Variants in PTCHD4 observed in about 807,000 individuals in gnomAD.
PTCHD4 encodes patched domain containing 4.
Under a neutral mutation model 58.1 loss-of-function variants are expected in PTCHD4, and 33 were observed. The ratio of observed to expected loss-of-function variants is 0.57; its 90% confidence interval spans 0.43 to 0.76. The LOEUF (loss-of-function observed/expected upper bound fraction) is 0.76, where lower values mean the gene tolerates loss of function less well. Ranked by LOEUF, PTCHD4 falls within the 30% of genes least tolerant of loss-of-function variation. The probability of loss-of-function intolerance (pLI) is 0.00; values close to 1 mark genes in which losing one functional copy is unlikely to be tolerated. For synonymous variants in PTCHD4, 478 were observed against 409.6 expected (o/e 1.17, Z -2.02); for missense variants, 1,058 against 1,027.1 (o/e 1.03, Z -0.41).
Position 47,897,977 on chromosome 6 carries a change from C to T in PTCHD4, c.899-18041G>A, listed in dbSNP as rs550705967. On this transcript the variant is annotated intron_variant, in intron 4 of 4. Transcript: ENST00000339488. ...TTTTTTTTTTTTTGAGACAGAGTCG[C>T]TTTGTTGCCCAGGCTGGAGTGCAGT... Among the ~76,000 whole-genome samples, 392 of 104,690 alleles carry T rather than the reference C, an allele frequency of 3.7e-3. 6 individuals carry two copies. Among genetic ancestry groups the T allele is most frequent in the African/African-American group, 0.013 (360 of 27,380 alleles). The allele number at this position is 104,690 out of a possible 152,430, so 68.7% of individuals were successfully genotyped here.
chr6:48,023,712 AT>A (rs1369236246), intron 3 of PTCHD4, among the ~76,000 whole-genome samples: 2 of 152,194 alleles, frequency 1.3e-5, no homozygotes, highest in Non-Finnish European at 2.9e-5. Context: ...TCGGTTTCTC[AT>A]AATTTAGCAA....
Position 47,859,923 on chromosome 6 carries a change from G to T in PTCHD4, c.*18380C>A, listed in dbSNP as rs113930457. 2.0e-5 allele frequency among the ~76,000 whole-genome samples: 3 copies of T among 151,968 alleles called. No individual in the cohort carries two copies. The highest frequency in any genetic ancestry group is 2.9e-5 in the Non-Finnish European group (2 of 67,968). On this transcript the variant is annotated 3_prime_UTR_variant, in exon 5 of 5. Coordinates refer to ENST00000339488, the MANE Select transcript of PTCHD4 (RefSeq NM_001384253.1). ...CATGGTTGATGCAGAGAGAACAAAG[G>T]GGGCAGTGGCTGGAGAAGTGGTCAG...
chr6:48,018,729 T>A (rs1281385155), intron 3 of PTCHD4, among the ~76,000 whole-genome samples: 1 of 152,244 alleles, frequency 6.6e-6, no homozygotes. Flanking sequence ...GCAATATTAC[T>A]ATTCTTACAT....
chr6:48,023,902 C>T (rs1562012735), intron 3 of PTCHD4, among the ~76,000 whole-genome samples: 1 of 152,140 alleles, frequency 6.6e-6, no homozygotes, highest in African/African-American at 2.4e-5. Context: ...GTTACCATAG[C>T]AATGATGGCA....
At chr6:47,884,458 A>G (rs1056590448) in intron 4 of PTCHD4, among the ~76,000 whole-genome samples, 8 of 152,170 alleles carry the variant, frequency 5.3e-5, no homozygotes, top group African/African-American at 1.7e-4. Context: ...TCTTAATCCA[A>G]TTCAAGTAAT....
chr6:47,956,973 G>C (rs1261374187), intron 4 of PTCHD4, among the ~76,000 whole-genome samples: 1 of 151,822 alleles, frequency 6.6e-6, no homozygotes, highest in Non-Finnish European at 1.5e-5. Context: ...AGACCAGCCT[G>C]GCCAACATGG....
At chr6:48,038,829 G>A (rs968957966) in intron 3 of PTCHD4, among the ~76,000 whole-genome samples, 2 of 152,096 alleles carry the variant, frequency 1.3e-5, no homozygotes, top group Non-Finnish European at 2.9e-5. Context: ...TTTTCAAATA[G>A]AGCCACAGGT....
chr6:48,055,504 C>T (rs1764378598), intron 3 of PTCHD4, among the ~76,000 whole-genome samples: 1 of 152,064 alleles, frequency 6.6e-6, no homozygotes, highest in Non-Finnish European at 1.5e-5. Flanking sequence ...TTGAACACTG[C>T]TTTGGAAGAG....
chr6:47,865,893 C>CAA lies in PTCHD4; in HGVS notation c.*12408_*12409dup, dbSNP rs1763551659. Among the ~76,000 whole-genome samples, 1 of 151,814 alleles carries CAA rather than the reference C, an allele frequency of 6.6e-6. No individual in the cohort carries two copies. Among genetic ancestry groups the CAA allele is most frequent in the Admixed American group, 6.6e-5 (1 of 15,218 alleles). ...TGAAACTTTCTGGTTTGTACAAATT[C>CAA]AACTCCTGTACTGGAAATGTACCCT... On this transcript the variant is annotated 3_prime_UTR_variant, in exon 5 of 5. Transcript: ENST00000339488.
chr6:47,878,760 A>G lies in PTCHD4; in HGVS notation c.2075T>C (p.Ile692Thr), dbSNP rs991866581. The change falls in exon 5 of 5, where the codon ATT (isoleucine) becomes ACT (threonine). Residue 692 changes from isoleucine to threonine, a missense_variant. By Grantham distance (89) the Ile-to-Thr change is moderately conservative. Coordinates refer to ENST00000339488, the MANE Select transcript of PTCHD4 (RefSeq NM_001384253.1). ...CATTAAGCCCAGAACGCCCAGCTCA[A>G]TTGAGGTGACGCTAAGAATTAGCCA... ...NFWLILSVTSIELGVLGLMTL... is the reference protein window; with the variant it reads ...NFWLILSVTSTELGVLGLMTL... 6.2e-7 allele frequency: 1 copy of G among 1,613,686 alleles called. No individual in the cohort carries two copies. Among genetic ancestry groups the G allele is most frequent in the Non-Finnish European group, 8.5e-7 (1 of 1,179,782 alleles).
chr6:48,043,662 G>C (rs1416898845), intron 3 of PTCHD4, among the ~76,000 whole-genome samples: 2 of 151,910 alleles, frequency 1.3e-5, no homozygotes, highest in East Asian at 1.9e-4. Context: ...TGTGCTTGCT[G>C]TTCTGACTAT....
intron 3 of PTCHD4, among the ~76,000 whole-genome samples, chr6:48,012,909 C>T (rs1762733090): frequency 6.6e-6 from 1 of 152,274 alleles, no homozygotes; most frequent in Non-Finnish European, 1.5e-5. Context: ...AGCCTTGCAT[C>T]CCAGGGATGA....
At chr6:47,935,044 A>G (rs984492444) in intron 4 of PTCHD4, among the ~76,000 whole-genome samples, 2 of 152,112 alleles carry the variant, frequency 1.3e-5, no homozygotes, top group Non-Finnish European at 2.9e-5. Context: ...TATTTTTGGT[A>G]TTGTTTTACA....
chr6:48,068,524 A>G lies in PTCHD4; in HGVS notation c.123T>C (p.Phe41=). 6.2e-7 allele frequency: 1 copy of G among 1,612,010 alleles called. No individual in the cohort carries two copies. Among genetic ancestry groups the G allele is most frequent in the Non-Finnish European group, 8.5e-7 (1 of 1,179,708 alleles). Residue 41 remains phenylalanine, a synonymous_variant, in exon 3 of 5, where the codon TTT becomes TTC. Transcript: ENST00000339488. This position sits in a 1 kb window ranked among gnomAD's most constrained non-coding sequence, Gnocchi z 4.2. ...LGLCVSRHPV[F]FLTVPAVLTI... ...TCAGGACTGCGGGCACGGTGAGGAA[A>G]AAGACCGGGTGCCGGCTCACGCACA...
At chr6:48,095,073 T>C (rs1299516290) in intron 1 of PTCHD4, among the ~76,000 whole-genome samples, 1 of 152,206 alleles carries the variant, frequency 6.6e-6, no homozygotes, top group Non-Finnish European at 1.5e-5. Context: ...TTTCGGGGAT[T>C]GTGGACATGT....
chr6:47,920,598 C>T (rs1046921441), intron 4 of PTCHD4, among the ~76,000 whole-genome samples: 4 of 152,130 alleles, frequency 2.6e-5, no homozygotes, highest in Non-Finnish European at 5.9e-5. Context: ...CATTCACAAT[C>T]CTGCCCACAG....
At chr6:48,107,211 C>T (rs1447328527) in intron 1 of PTCHD4, among the ~76,000 whole-genome samples, 4 of 152,128 alleles carry the variant, frequency 2.6e-5, no homozygotes, top group Non-Finnish European at 4.4e-5. Context: ...TACTACAAGG[C>T]TACAGTAACC....
chr6:48,095,186 A>G (rs1387422761), intron 1 of PTCHD4, among the ~76,000 whole-genome samples: 3 of 152,222 alleles, frequency 2.0e-5, no homozygotes, highest in African/African-American at 7.2e-5. Context: ...CCAATTATAA[A>G]GTATAATTTC....
At chr6:47,980,567 T>A (rs1767848742) in intron 4 of PTCHD4, among the ~76,000 whole-genome samples, 1 of 152,136 alleles carries the variant, frequency 6.6e-6, no homozygotes, top group Admixed American at 6.5e-5. Flanking sequence ...ATATCAATGA[T>A]AGTTATTGAA....
Sources: gnomAD v4.1 joint callset for allele counts (sites outside exome capture counted in the v4.1 genomes callset) on GRCh38, gnomAD v4.1.1 for gene constraint, Gnocchi (gnomAD v3.1) non-coding constraint, MANE v1.5 for transcripts, NCBI Gene and HGNC (gene_info 2026-07-23, HGNC 2026-07-21) for gene names.